PARL: variants seen among roughly 807,000 people sequenced by gnomAD.
PARL encodes the protein presenilin-associated rhomboid-like protein, mitochondrial.
Under a neutral mutation model 51.6 loss-of-function variants are expected in PARL, and 44 were observed. The ratio of observed to expected loss-of-function variants is 0.85; its 90% CI spans 0.67 to 1.10. PARL has a LOEUF of 1.10. PARL is among the 50% of genes least tolerant of loss of function. PARL has a pLI of 0.00. For missense variants in PARL, 441 were observed against 469.5 expected (o/e 0.94, Z 0.56); for synonymous variants, 172 against 164.0 (o/e 1.05, Z -0.37).
chr3:183,836,217 CAAAAAAAAAAAAAA>C (rs56354792), intron 7 of PARL, among the ~76,000 whole-genome samples: 3 of 84,290 alleles, frequency 3.6e-5, no homozygotes, highest in African/African-American at 1.6e-4. Flanking sequence ...AACTCCATCT[CAAAAAAAAAAAAAA>C]AAAAAAAAAA....
chr3:183,827,650 G>C (rs553864702), downstream of PARL, among the ~76,000 whole-genome samples: 12 of 152,250 alleles, frequency 7.9e-5, no homozygotes, highest in Admixed American at 4.6e-4. Context: ...AGAAATAAGA[G>C]GCGAGAGAGG....
At chr3:183,835,611 A>G (rs1375723679) in intron 7 of PARL, among the ~76,000 whole-genome samples, 2 of 152,226 alleles carry the variant, frequency 1.3e-5, no homozygotes, top group African/African-American at 4.8e-5. Flanking sequence ...TCACGCCTGT[A>G]ATCCCAGCAC....
At chr3:183,845,170 A>C (rs1196354272) in intron 4 of PARL, among the ~76,000 whole-genome samples, 1 of 152,144 alleles carries the variant, frequency 6.6e-6, no homozygotes, top group African/African-American at 2.4e-5. Context: ...GCCAATAAGG[A>C]CTGATTTCAA....
At chr3:183,830,354 A>C (rs1727792954) in intron 9 of PARL, among the ~76,000 whole-genome samples, 1 of 152,204 alleles carries the variant, frequency 6.6e-6, no homozygotes, top group South Asian at 2.1e-4. Flanking sequence ...CAGCAGACTG[A>C]GACTAGAACC....
downstream of PARL, among the ~76,000 whole-genome samples, chr3:183,827,913 G>A (rs1727547676): frequency 6.6e-6 from 1 of 152,176 alleles, no homozygotes; most frequent in Admixed American, 6.6e-5. Context: ...GGAGACGGCA[G>A]CCACGGCATG....
intron 1 of PARL, among the ~76,000 whole-genome samples, chr3:183,873,854 G>A (rs1441699420): frequency 3.9e-5 from 6 of 152,100 alleles, no homozygotes; most frequent in Non-Finnish European, 8.8e-5. Flanking sequence ...GATCTCACCA[G>A]AAGTGTGCAT....
intron 7 of PARL, among the ~76,000 whole-genome samples, chr3:183,838,919 AGT>A (rs1186577503): frequency 6.6e-6 from 1 of 152,204 alleles, no homozygotes; most frequent in African/African-American, 2.4e-5. Context: ...CATTCCTTTC[AGT>A]GTGTATTAGA....
rs1305688689 is a variant in PARL at position 183,867,942 on chromosome 3, G to A, written c.244C>T (p.Pro82Ser). Residue 82 changes from proline to serine, a missense_variant, in exon 2 of 10, where the codon CCT (proline) becomes TCT (serine). Physicochemically the swap from Pro to Ser is moderately conservative, Grantham distance 74 (BLOSUM62 -1). Transcript: ENST00000317096. ...GGATAAAAGACTGTTTCTTCCACAG[G>A]AGGAATCAAAGCACTTCTCTTGTAT... is the stretch of plus-strand genomic sequence containing the variant. ...EAYKRSALIP[P>S]VEETVFYPSP... 1.9e-6 allele frequency: 3 copies of A among 1,613,878 alleles called. No individual in the cohort carries two copies. The highest frequency in any genetic ancestry group is 2.5e-6 in the Non-Finnish European group (3 of 1,179,754).
chr3:183,862,918 G>A (rs1732008284), intron 3 of PARL, 117 bp from the exon 4 acceptor site: 3 of 808,424 alleles, frequency 3.7e-6, no homozygotes, highest in Non-Finnish European at 6.5e-6. Context: ...AAAATCACTG[G>A]TGGTCACAGA....
chr3:183,877,820 A>C (rs192636810), intron 1 of PARL, among the ~76,000 whole-genome samples: 38 of 142,710 alleles, frequency 2.7e-4, no homozygotes, highest in Non-Finnish European at 4.9e-4. Context: ...TTTTTTTTTG[A>C]GACAGTGTCA....
chr3:183,849,201 T>C (rs964496903), intron 4 of PARL, among the ~76,000 whole-genome samples: 2 of 152,194 alleles, frequency 1.3e-5, no homozygotes, highest in African/African-American at 4.8e-5. Context: ...CAGACATCTA[T>C]AGAACACACC....
intron 9 of PARL, among the ~76,000 whole-genome samples, chr3:183,830,086 C>A (rs142855530): frequency 2.8e-3 from 428 of 152,328 alleles, no homozygotes; most frequent in African/African-American, 9.7e-3. Flanking sequence ...GCAGGTCAGA[C>A]TGACTCGATG....
chr3:183,866,811 A>G (rs1732538140), intron 2 of PARL, 46 bp from the exon 3 acceptor site: 2 of 1,299,796 alleles, frequency 1.5e-6, no homozygotes, highest in Admixed American at 1.7e-5. Context: ...AGAGGGAAAT[A>G]GATCTATACA....
intron 7 of PARL, among the ~76,000 whole-genome samples, chr3:183,837,749 A>G (rs1220164152): frequency 1.3e-5 from 2 of 152,230 alleles, no homozygotes; most frequent in Non-Finnish European, 2.9e-5. Flanking sequence ...CATCATATCT[A>G]AAATGATCAG....
intron 7 of PARL, among the ~76,000 whole-genome samples, chr3:183,835,812 G>A (rs887779739): frequency 6.6e-6 from 1 of 152,066 alleles, no homozygotes; most frequent in African/African-American, 2.4e-5. Flanking sequence ...TCCAGCCTGG[G>A]CGACAGAGTG....
Position 183,833,572 on chromosome 3 carries a change from G to A in PARL, c.948C>T (p.Ile316=), listed in dbSNP as rs565761146. 10 of 1,612,942 alleles carry A rather than the reference G, an allele frequency of 6.2e-6. No individual in the cohort carries two copies. The highest frequency in any genetic ancestry group is 1.6e-4 in the Middle Eastern group (1 of 6,084). The change falls in exon 9 of 10, where the codon ATC becomes ATT. Residue 316 remains isoleucine, a synonymous_variant. Transcript: ENST00000317096. ...FTAGNALKAI[I]AMDTAGMILG... is the part of the protein sequence containing the mutation. Reference sequence around the variant, plus strand: ...GGATCATTCCTGCTGTATCCATGGCGATAATGGCTTTCAGGGCCTGAAAGG... The same window carrying A: ...GGATCATTCCTGCTGTATCCATGGCAATAATGGCTTTCAGGGCCTGAAAGG...
intron 5 of PARL, among the ~76,000 whole-genome samples, 180 bp downstream of exon 5, chr3:183,844,047 CAAAG>C (rs768934796): frequency 1.3e-5 from 2 of 151,854 alleles, no homozygotes; most frequent in Admixed American, 6.6e-5. Flanking sequence ...TCAAAAAAAA[CAAAG>C]AAAAAGAAAA....
chr3:183,854,655 G>C (rs1250077562), intron 4 of PARL, among the ~76,000 whole-genome samples: 3 of 150,716 alleles, frequency 2.0e-5, no homozygotes, highest in African/African-American at 7.3e-5. Context: ...TCTAGAGATT[G>C]GTTTTACAAA....
At chr3:183,845,970 T>C (rs1729900148) in intron 4 of PARL, among the ~76,000 whole-genome samples, 2 of 152,046 alleles carry the variant, frequency 1.3e-5, no homozygotes, top group African/African-American at 4.8e-5. Flanking sequence ...TTTATTCTAA[T>C]TGTGGTTCAA....
Sources: allele counts gnomAD v4.1 joint callset (sites outside exome capture counted in the v4.1 genomes callset), GRCh38; gene constraint gnomAD v4.1.1; transcripts MANE v1.5; gene names NCBI Gene and HGNC (gene_info 2026-07-23, HGNC 2026-07-21).